SCAPER: variants seen among roughly 807,000 people sequenced by gnomAD.
SCAPER encodes the protein S phase cyclin A-associated protein in the endoplasmic reticulum.
SCAPER carries 98 observed loss-of-function variants against 182.2 expected under a neutral mutation model. That is an observed-to-expected ratio of 0.54 (90% confidence interval 0.46 to 0.64). The LOEUF (loss-of-function observed/expected upper bound fraction) is 0.64, where lower values mean the gene tolerates loss of function less well. Ranked by LOEUF, SCAPER falls within the 30% of genes least tolerant of loss-of-function variation. The pLI, the probability that SCAPER is intolerant of heterozygous loss-of-function variation, is 0.00. For missense variants in SCAPER, 1,432 were observed against 1,690.0 expected (o/e 0.85, Z 2.68); for synonymous variants, 605 against 564.6 (o/e 1.07, Z -1.01).
intron 28 of SCAPER, chr15:76,379,963 GT>G (rs1567026138): frequency 2.0e-5 from 3 of 152,180 alleles, no homozygotes; most frequent in Non-Finnish European, 4.4e-5. Context: ...CAGTATAAAT[GT>G]TGGCCAAGAA....
intron 23 of SCAPER, among the ~76,000 whole-genome samples, chr15:76,517,505 A>C (rs1266972800): frequency 6.6e-6 from 1 of 151,758 alleles, no homozygotes; most frequent in Admixed American, 6.6e-5. Flanking sequence ...ATGTGCCACT[A>C]CACCCGGCTA....
chr15:76,688,418 G>A (rs999666286), intron 20 of SCAPER, among the ~76,000 whole-genome samples: 3 of 152,136 alleles, frequency 2.0e-5, no homozygotes, highest in African/African-American at 4.8e-5. Flanking sequence ...TTCTTTTGCT[G>A]TGCAGAAGCT....
At position 76,524,141 on chromosome 15, in the gene SCAPER, C is replaced by G. The variant is rs149079221; in HGVS notation, c.2839-19167G>C. Among the ~76,000 whole-genome samples the G allele has an allele frequency of 1.5e-3, 228 of 152,178 alleles. 2 individuals carry two copies. The highest frequency in any genetic ancestry group is 5.0e-3 in the African/African-American group (207 of 41,546). On this transcript the variant is annotated intron_variant, in intron 23 of 31. Coordinates refer to ENST00000563290, the MANE Select transcript of SCAPER (RefSeq NM_020843.4). ...CATAGCTTTGCAAGACAACATGCAG[C>G]AGTAAAATACTGTAAAATGCTTTCC...
chr15:76,533,919 C>G (rs543630707), intron 23 of SCAPER, among the ~76,000 whole-genome samples: 4 of 152,286 alleles, frequency 2.6e-5, no homozygotes, highest in African/African-American at 4.8e-5. Flanking sequence ...GATTATTAAC[C>G]AAATTAGTAA....
intron 25 of SCAPER, among the ~76,000 whole-genome samples, chr15:76,451,877 C>T (rs566490276): frequency 6.6e-6 from 1 of 152,280 alleles, no homozygotes; most frequent in East Asian, 1.9e-4. Context: ...TTAAAGAGGG[C>T]AGGCTGTGAC....
At chr15:76,719,261 T>C (rs2150947831) in intron 17 of SCAPER, among the ~76,000 whole-genome samples, 1 of 152,178 alleles carries the variant, frequency 6.6e-6, no homozygotes, top group African/African-American at 2.4e-5. Flanking sequence ...TAGAGAACAA[T>C]ATCCTAAGTA....
chr15:76,390,751 C>A (rs1011584532), intron 27 of SCAPER, among the ~76,000 whole-genome samples: 1 of 152,150 alleles, frequency 6.6e-6, no homozygotes, highest in African/African-American at 2.4e-5. Context: ...TACTTTGGGG[C>A]TCTCTTTACA....
intron 23 of SCAPER, among the ~76,000 whole-genome samples, chr15:76,552,573 G>A (rs2045870994): frequency 6.6e-6 from 1 of 152,130 alleles, no homozygotes; most frequent in South Asian, 2.1e-4. Flanking sequence ...CTCTTGCCAT[G>A]GACCTTTAGA....
At chr15:76,422,699 G>C (rs555395487) in intron 26 of SCAPER, among the ~76,000 whole-genome samples, 1 of 152,094 alleles carries the variant, frequency 6.6e-6, no homozygotes, top group African/African-American at 2.4e-5. Context: ...TCTTGTGCCC[G>C]TTTTCAAAGG....
intron 25 of SCAPER, among the ~76,000 whole-genome samples, chr15:76,459,391 G>A (rs1276981266): frequency 6.6e-6 from 1 of 152,090 alleles, no homozygotes; most frequent in African/African-American, 2.4e-5. Flanking sequence ...TATTCTAACT[G>A]GAGTAAGATG....
chr15:76,831,680 ACTCT>A (rs2068500242), intron 5 of SCAPER, among the ~76,000 whole-genome samples: 1 of 150,854 alleles, frequency 6.6e-6, no homozygotes, highest in African/African-American at 2.4e-5. Context: ...ACCACAGCAT[ACTCT>A]CCCATGACCC....
chr15:76,793,487 T>C (rs981175689), intron 8 of SCAPER: 3 of 499,054 alleles, frequency 6.0e-6, no homozygotes, highest in African/African-American at 4.0e-5. Flanking sequence ...AAGGTTAGGT[T>C]GCTTGCCAAT....
intron 23 of SCAPER, among the ~76,000 whole-genome samples, chr15:76,529,654 T>C (rs561371978): frequency 6.6e-6 from 1 of 152,302 alleles, no homozygotes; most frequent in South Asian, 2.1e-4. Context: ...CATGCAACTA[T>C]CTTGAGAAAG....
chr15:76,707,928 A>C (rs2059344029), intron 17 of SCAPER, among the ~76,000 whole-genome samples: 1 of 152,192 alleles, frequency 6.6e-6, no homozygotes, highest in Non-Finnish European at 1.5e-5. Context: ...ATTATAGATC[A>C]ACAATAGGAA....
At position 76,595,646 on chromosome 15, in the gene SCAPER, C is replaced by G. The variant is rs550248903; in HGVS notation, c.2712-21362G>C. 4.3e-3 allele frequency among the ~76,000 whole-genome samples: 521 copies of G among 122,282 alleles called. 57 individuals are homozygous for G. The highest frequency in any genetic ancestry group is 0.013 in the African/African-American group (502 of 39,938). 80.2% of individuals were successfully genotyped at this position (122,282 alleles called of 152,430 possible). ...ACCACAGCACAACCAAATTAGAACTCAGGATTAAGAAACTCACTCAAAACT... is the reference window on the plus strand; with the variant it reads ...ACCACAGCACAACCAAATTAGAACTGAGGATTAAGAAACTCACTCAAAACT... On this transcript the variant is annotated intron_variant, in intron 22 of 31. Coordinates refer to ENST00000563290, the MANE Select transcript of SCAPER (RefSeq NM_020843.4).
intron 21 of SCAPER, among the ~76,000 whole-genome samples, chr15:76,637,001 G>C (rs1243369418): frequency 6.6e-6 from 1 of 151,712 alleles, no homozygotes; most frequent in Non-Finnish European, 1.5e-5. Context: ...AAACAGCTTT[G>C]AGATAAAATT....
intron 23 of SCAPER, among the ~76,000 whole-genome samples, chr15:76,543,201 A>T: frequency 6.6e-6 from 1 of 152,162 alleles, no homozygotes; most frequent in Non-Finnish European, 1.5e-5. Flanking sequence ...ATGCAAAGGA[A>T]ACCATTCGCA....
At chr15:76,456,908 C>T (rs569214842) in intron 25 of SCAPER, among the ~76,000 whole-genome samples, 5 of 152,256 alleles carry the variant, frequency 3.3e-5, no homozygotes, top group Admixed American at 3.3e-4. Flanking sequence ...ATAGCTACTT[C>T]TTATGCTTAC....
intron 24 of SCAPER, among the ~76,000 whole-genome samples, chr15:76,479,075 T>C (rs1241906419): frequency 6.6e-6 from 1 of 152,128 alleles, no homozygotes; most frequent in Non-Finnish European, 1.5e-5. Flanking sequence ...AAAAGTCATT[T>C]ATGGGTAAAG....
Sources: gnomAD v4.1 joint callset for allele counts (sites outside exome capture counted in the v4.1 genomes callset) on GRCh38, gnomAD v4.1.1 for gene constraint, MANE v1.5 for transcripts, NCBI Gene and HGNC (gene_info 2026-07-23, HGNC 2026-07-21) for gene names.